The following VPS13B variants were observed in gnomAD, a reference collection of about 807,000 sequenced individuals.
VPS13B encodes intermembrane lipid transfer protein VPS13B.
Under a neutral mutation model 426.4 loss-of-function variants are expected in VPS13B, and 285 were observed. The ratio of observed to expected loss-of-function variants is 0.67; its 90% CI spans 0.61 to 0.74. The LOEUF is 0.74. VPS13B is among the 30% of genes least tolerant of loss of function. The pLI is 0.00. For synonymous variants in VPS13B, 1,676 were observed against 1,676.4 expected (o/e 1.00, Z 0.01); for missense variants, 4,537 against 4,782.6 (o/e 0.95, Z 1.51).
At chr8:99,035,794 T>C (rs1842715075) in intron 2 of VPS13B, among the ~76,000 whole-genome samples, 2 of 152,198 alleles carry the variant, frequency 1.3e-5, no homozygotes, top group Admixed American at 6.5e-5. Context: ...ACTAAGAGTG[T>C]ATAAGTATTC....
chr8:99,727,000 T>C (rs1409141548), intron 39 of VPS13B, among the ~76,000 whole-genome samples: 1 of 152,258 alleles, frequency 6.6e-6, no homozygotes, highest in African/African-American at 2.4e-5. Flanking sequence ...CACCCAGCAC[T>C]GTGCTGGGTA....
Position 99,130,680 on chromosome 8 carries a change from G to C in VPS13B, c.1207-3952G>C, listed in dbSNP as rs534765947. ...GCTGGGATTACAGGCGTGAGCCACCGCATGAGTCCTTTTAATCAATTAATT... is the reference window on the plus strand; with the variant it reads ...GCTGGGATTACAGGCGTGAGCCACCCCATGAGTCCTTTTAATCAATTAATT... On this transcript the variant is annotated intron_variant, in intron 8 of 61. Coordinates refer to ENST00000357162, the MANE Select transcript of VPS13B (RefSeq NM_152564.5). Among the ~76,000 whole-genome samples, 5 of 152,148 alleles carry C rather than the reference G, an allele frequency of 3.3e-5. No individual in the cohort carries two copies. In the East Asian group the frequency reaches 9.7e-4, roughly 29 times the overall value.
At chr8:99,744,474 A>G (rs963907188) in intron 39 of VPS13B, among the ~76,000 whole-genome samples, 3 of 152,234 alleles carry the variant, frequency 2.0e-5, no homozygotes, top group Non-Finnish European at 4.4e-5. Flanking sequence ...TACTGGGTAT[A>G]TACCCAAAGG....
chr8:99,368,720 C>T (rs1309560517), intron 19 of VPS13B, among the ~76,000 whole-genome samples: 1 of 152,154 alleles, frequency 6.6e-6, no homozygotes, highest in Non-Finnish European at 1.5e-5. Flanking sequence ...CCAAATCCCC[C>T]AATCCATAGT....
At chr8:99,256,608 CT>C (rs1335979116) in intron 17 of VPS13B, among the ~76,000 whole-genome samples, 1 of 152,048 alleles carries the variant, frequency 6.6e-6, no homozygotes, top group Non-Finnish European at 1.5e-5. Context: ...GAAGTAGTAT[CT>C]CTTTGTCGTT....
At chr8:99,194,770 C>T (rs1813812237) in intron 17 of VPS13B, among the ~76,000 whole-genome samples, 1 of 152,122 alleles carries the variant, frequency 6.6e-6, no homozygotes, top group Middle Eastern at 3.4e-3. Flanking sequence ...GGACATATAC[C>T]CAGAAGTGGG....
intron 25 of VPS13B, among the ~76,000 whole-genome samples, chr8:99,490,682 T>A (rs1390028302): frequency 2.0e-5 from 3 of 152,200 alleles, no homozygotes; most frequent in African/African-American, 7.2e-5. Context: ...TTCTAATTTA[T>A]TTGCATAGAG....
At chr8:99,103,164 A>G (rs1231541848) in intron 5 of VPS13B, 44 bp downstream of exon 5, 2 of 1,604,148 alleles carry the variant, frequency 1.2e-6, no homozygotes, top group Admixed American at 1.7e-5. Flanking sequence ...CATAATTGAA[A>G]CAATTACCTT....
chr8:99,367,194 T>C (rs1391542737), intron 19 of VPS13B, among the ~76,000 whole-genome samples: 2 of 152,248 alleles, frequency 1.3e-5, no homozygotes, highest in African/African-American at 2.4e-5. Context: ...CTGGTGTTGA[T>C]GAAATCTCTC....
intron 23 of VPS13B, among the ~76,000 whole-genome samples, chr8:99,464,738 G>GT (rs1292520009): frequency 6.6e-6 from 1 of 152,120 alleles, no homozygotes; most frequent in African/African-American, 2.4e-5. Context: ...GTTGACACAT[G>GT]TAACGCATAG....
intron 31 of VPS13B, among the ~76,000 whole-genome samples, chr8:99,564,414 C>G (rs1332877281): frequency 6.6e-6 from 1 of 152,174 alleles, no homozygotes; most frequent in Non-Finnish European, 1.5e-5. Flanking sequence ...AAACATCCGG[C>G]AGCACATCCA....
At chr8:99,562,685 A>AT (rs1010942878) in intron 31 of VPS13B, among the ~76,000 whole-genome samples, 4 of 152,068 alleles carry the variant, frequency 2.6e-5, no homozygotes, top group Non-Finnish European at 5.9e-5. Flanking sequence ...TGATTTAGAA[A>AT]TTTTTTTATA....
chr8:99,605,510 C>G (rs1198455718), intron 33 of VPS13B, among the ~76,000 whole-genome samples: 2 of 152,146 alleles, frequency 1.3e-5, no homozygotes, highest in African/African-American at 4.8e-5. Context: ...TTTATCTCCT[C>G]AACATTTTAG....
chr8:99,309,034 T>G (rs1820803676), intron 19 of VPS13B, among the ~76,000 whole-genome samples: 1 of 152,224 alleles, frequency 6.6e-6, no homozygotes, highest in Non-Finnish European at 1.5e-5. Flanking sequence ...AGTTGTTTGT[T>G]TTTTTCTTGT....
At chr8:99,420,477 T>C (rs1182404981) in intron 21 of VPS13B, among the ~76,000 whole-genome samples, 5 of 152,178 alleles carry the variant, frequency 3.3e-5, no homozygotes, top group African/African-American at 4.8e-5. Flanking sequence ...AAAATATAGA[T>C]GCAAAACAGT....
chr8:99,649,908 C>T (rs926432672), intron 34 of VPS13B, among the ~76,000 whole-genome samples: 1 of 152,098 alleles, frequency 6.6e-6, no homozygotes, highest in African/African-American at 2.4e-5. Context: ...ATCACAACGT[C>T]GGTTATAGCC....
At chr8:99,445,270 A>C (rs1588387865) in intron 23 of VPS13B, among the ~76,000 whole-genome samples, 1 of 148,934 alleles carries the variant, frequency 6.7e-6, no homozygotes, top group African/African-American at 2.4e-5. Flanking sequence ...TAAATTTTGT[A>C]GTATAAACAT....
At chr8:99,170,511 A>C (rs1812269821) in intron 16 of VPS13B, among the ~76,000 whole-genome samples, 1 of 151,900 alleles carries the variant, frequency 6.6e-6, no homozygotes, top group East Asian at 1.9e-4. Context: ...ATTAATATTC[A>C]AGACCAAAGT....
At chr8:99,744,851 A>T (rs561057708) in intron 39 of VPS13B, among the ~76,000 whole-genome samples, 3 of 152,232 alleles carry the variant, frequency 2.0e-5, no homozygotes, top group Admixed American at 2.0e-4. Flanking sequence ...GGATAGCATT[A>T]GGAGATACAC....
Sources: allele counts gnomAD v4.1 joint callset (sites outside exome capture counted in the v4.1 genomes callset), GRCh38; gene constraint gnomAD v4.1.1; transcripts MANE v1.5; gene names NCBI Gene and HGNC (gene_info 2026-07-23, HGNC 2026-07-21).